The following EIF4G3 variants were observed in gnomAD, a reference collection of about 807,000 sequenced individuals.
EIF4G3 encodes eukaryotic translation initiation factor 4 gamma 3.
In EIF4G3, 34 loss-of-function variants were observed where a neutral mutation model predicts 186.4. The observed-to-expected ratio is 0.18, with a 90% CI of 0.14 to 0.24. EIF4G3 has a LOEUF of 0.24. EIF4G3 is among the 10% of genes least tolerant of loss of function. The pLI is 1.00. For synonymous variants in EIF4G3, 673 were observed against 679.5 expected, an observed-to-expected ratio of 0.99 and a Z score of 0.15; for missense variants, 1,536 against 1,948.5, an observed-to-expected ratio of 0.79 and a Z score of 3.99.
chr1:21,137,790 G>A (rs1231002510), intron 2 of EIF4G3, among the ~76,000 whole-genome samples: 1 of 143,778 alleles, frequency 7.0e-6, no homozygotes, highest in East Asian at 2.0e-4. Flanking sequence ...CTGCACTCCA[G>A]CCTAAGCAAC....
At chr1:21,035,090 A>T (rs1281765979) in intron 4 of EIF4G3, among the ~76,000 whole-genome samples, 1 of 152,004 alleles carries the variant, frequency 6.6e-6, no homozygotes, top group Non-Finnish European at 1.5e-5. Context: ...CCCTGTGCCC[A>T]TGTCCCCAAG....
chr1:20,841,238 AAAG>A (rs1257535728), intron 29 of EIF4G3: 2 of 401,544 alleles, frequency 5.0e-6, no homozygotes, highest in Non-Finnish European at 8.6e-6. Flanking sequence ...TCATACAAAA[AAAG>A]AGCATTACAG....
intron 14 of EIF4G3, among the ~76,000 whole-genome samples, chr1:20,922,127 C>T (rs1021753999): frequency 1.3e-5 from 2 of 152,168 alleles, no homozygotes; most frequent in Non-Finnish European, 2.9e-5. Context: ...TTCCTATTTC[C>T]ATATCGAACA....
At chr1:21,058,203 G>GA (rs2094660296) in intron 3 of EIF4G3, among the ~76,000 whole-genome samples, 2 of 152,058 alleles carry the variant, frequency 1.3e-5, no homozygotes, top group Non-Finnish European at 1.5e-5. Flanking sequence ...AACAAAATGG[G>GA]AAAAAACTGG....
chr1:20,968,786 T>C (rs1239561039), intron 12 of EIF4G3, among the ~76,000 whole-genome samples: 2 of 152,232 alleles, frequency 1.3e-5, no homozygotes, highest in East Asian at 1.9e-4. Flanking sequence ...TTAGATATTA[T>C]AAGTAATTTA....
chr1:21,066,029 T>C (rs1049472809), intron 3 of EIF4G3, among the ~76,000 whole-genome samples: 2 of 152,020 alleles, frequency 1.3e-5, no homozygotes, highest in African/African-American at 4.8e-5. Context: ...ATACAAAAAT[T>C]AGCCAGAGGT....
At chr1:20,925,705 T>C (rs1253417090) in intron 14 of EIF4G3, among the ~76,000 whole-genome samples, 2 of 152,156 alleles carry the variant, frequency 1.3e-5, no homozygotes, top group Non-Finnish European at 1.5e-5. Flanking sequence ...GGCTAATGTT[T>C]AAATTTTTTG....
chr1:21,131,293 GA>G (rs2097147968), intron 2 of EIF4G3, among the ~76,000 whole-genome samples: 1 of 129,430 alleles, frequency 7.7e-6, no homozygotes, highest in Non-Finnish European at 1.7e-5. Context: ...TGTATCAACA[GA>G]AATTACTCAA....
intron 14 of EIF4G3, among the ~76,000 whole-genome samples, chr1:20,911,235 C>T (rs766865752): frequency 5.3e-5 from 8 of 151,780 alleles, no homozygotes; most frequent in East Asian, 1.9e-4. Flanking sequence ...CCCGAAAAAA[C>T]GAAAAACCAA....
chr1:20,980,954 A>T, intron 9 of EIF4G3, 94 bp downstream of exon 9: 1 of 1,053,722 alleles, frequency 9.5e-7, no homozygotes, highest in Non-Finnish European at 1.3e-6. Flanking sequence ...ACCGAAAACT[A>T]ATACCACAAT....
intron 20 of EIF4G3, among the ~76,000 whole-genome samples, chr1:20,873,191 G>T (rs1176022881): frequency 6.6e-6 from 1 of 152,126 alleles, no homozygotes; most frequent in Non-Finnish European, 1.5e-5. Flanking sequence ...ACTTACTCTT[G>T]TGAGAATCCA....
At chr1:21,140,852 A>G (rs983533708) in intron 2 of EIF4G3, among the ~76,000 whole-genome samples, 80 of 152,340 alleles carry the variant, frequency 5.3e-4, no homozygotes, top group African/African-American at 1.8e-3. Context: ...TAAGAGCAAA[A>G]TAAGACTTGT....
chr1:21,137,667 C>T (rs968142985), intron 2 of EIF4G3, among the ~76,000 whole-genome samples: 1 of 151,232 alleles, frequency 6.6e-6, no homozygotes, highest in Non-Finnish European at 1.5e-5. Flanking sequence ...ATAATAATAA[C>T]AATAATAGCC....
chr1:21,061,739 T>C (rs1368784225), intron 3 of EIF4G3, among the ~76,000 whole-genome samples: 2 of 148,998 alleles, frequency 1.3e-5, no homozygotes, highest in Admixed American at 1.3e-4. Flanking sequence ...ATTTCTCTGC[T>C]TGTTTTTTTT....
intron 12 of EIF4G3, among the ~76,000 whole-genome samples, chr1:20,963,931 CAAAAAAA>C (rs35997561): frequency 8.2e-6 from 1 of 122,682 alleles, no homozygotes; most frequent in Non-Finnish European, 1.7e-5. Flanking sequence ...GACTCCATCT[CAAAAAAA>C]AAAAAAAAAA....
intron 21 of EIF4G3, 41 bp from the exon 22 acceptor site, chr1:20,864,753 G>C: frequency 6.7e-7 from 1 of 1,483,078 alleles, no homozygotes; most frequent in South Asian, 1.2e-5. Context: ...GATGATGAAA[G>C]TTGTACTGCA....
At chr1:20,854,278 A>AGT (rs1226330091) in intron 26 of EIF4G3, among the ~76,000 whole-genome samples, 8 of 152,176 alleles carry the variant, frequency 5.3e-5, no homozygotes, top group South Asian at 4.1e-4. Flanking sequence ...CTAAAATTAT[A>AGT]GTAAATGCTC....
intron 4 of EIF4G3, among the ~76,000 whole-genome samples, chr1:21,012,701 G>A (rs930058417): frequency 1.3e-5 from 2 of 152,202 alleles, no homozygotes; most frequent in Admixed American, 1.3e-4. Context: ...TAGGGAGGAA[G>A]ATGGCGGATA....
intron 2 of EIF4G3, among the ~76,000 whole-genome samples, chr1:21,102,687 C>T (rs2096548740): frequency 6.6e-6 from 1 of 152,178 alleles, no homozygotes; most frequent in Non-Finnish European, 1.5e-5. Context: ...ATCTCTTCCA[C>T]TCCATCCTCC....
Sources: gnomAD v4.1 joint callset for allele counts (sites outside exome capture counted in the v4.1 genomes callset) on GRCh38, gnomAD v4.1.1 for gene constraint, MANE v1.5 for transcripts, NCBI Gene and HGNC (gene_info 2026-07-23, HGNC 2026-07-21) for gene names.